DYNC2I2: variants seen among roughly 807,000 people sequenced by gnomAD.
DYNC2I2 encodes the protein cytoplasmic dynein 2 intermediate chain 2.
DYNC2I2 carries 39 observed loss-of-function variants against 52.0 expected under a neutral mutation model. That is an observed-to-expected ratio of 0.75 (90% CI 0.58 to 0.98). The LOEUF (loss-of-function observed/expected upper bound fraction) is 0.98. DYNC2I2 is among the 50% of genes least tolerant of loss of function. The pLI, the probability that DYNC2I2 is intolerant of heterozygous loss-of-function variation, is 0.00. For synonymous variants in DYNC2I2, 359 were observed against 321.1 expected, an observed-to-expected ratio of 1.12 and a Z score of -1.26; for missense variants, 743 against 728.4, an observed-to-expected ratio of 1.02 and a Z score of -0.23.
the DYNC2I2 span, among the ~76,000 whole-genome samples, chr9:128,680,447 G>C: frequency 6.6e-6 from 1 of 151,708 alleles, no homozygotes; most frequent in Non-Finnish European, 1.5e-5. Flanking sequence ...GCGCGATCTC[G>C]GCTCACTGAA....
intron 1 of DYNC2I2, among the ~76,000 whole-genome samples, chr9:128,653,338 A>C (rs1860754411): frequency 6.6e-6 from 1 of 151,130 alleles, no homozygotes; most frequent in East Asian, 1.9e-4. Flanking sequence ...CAGGAGTTTG[A>C]GACCAGCCTG....
Position 128,636,293 on chromosome 9 carries a change from A to C in DYNC2I2, c.691T>G (p.Ser231Ala). 1 of 1,573,896 alleles carries C rather than the reference A, an allele frequency of 6.4e-7. No individual in the cohort carries two copies. The highest frequency in any genetic ancestry group is 1.3e-5 in the African/African-American group (1 of 74,216). Residue 231 changes from serine to alanine, a missense_variant, in exon 4 of 9, where the codon TCC becomes GCC. Transcript: ENST00000372715. ...LCLAFHPTQP[S>A]HVAGGLYSGE... Reference sequence around the variant, plus strand: ...GCAGGCAGCTCACCTGCGACGTGGGAGGGCTGCGTGGGGTGGAAGGCCAGA... The same window carrying C: ...GCAGGCAGCTCACCTGCGACGTGGGCGGGCTGCGTGGGGTGGAAGGCCAGA...
the DYNC2I2 span, among the ~76,000 whole-genome samples, chr9:128,666,343 C>T: frequency 1.4e-5 from 2 of 146,632 alleles, no homozygotes; most frequent in South Asian, 4.3e-4. Context: ...GATCGTGCCA[C>T]TGCTCTCCAG....
chr9:128,674,617 C>G, the DYNC2I2 span, among the ~76,000 whole-genome samples: 1 of 152,122 alleles, frequency 6.6e-6, no homozygotes, highest in Non-Finnish European at 1.5e-5. Context: ...GTGGCACGCA[C>G]CTGTAATCTC....
intron 2 of DYNC2I2, 121 bp downstream of exon 2, chr9:128,640,570 G>A: frequency 6.8e-7 from 1 of 1,461,316 alleles, no homozygotes; most frequent in Non-Finnish European, 9.2e-7. Flanking sequence ...CAGGACATTA[G>A]AGCCTGGTGA....
Position 128,640,758 on chromosome 9 carries a change from A to G in DYNC2I2, c.368T>C (p.Leu123Pro), listed in dbSNP as rs1589431869. 9 of 1,614,098 alleles carry G rather than the reference A, an allele frequency of 5.6e-6. No individual in the cohort carries two copies. The highest frequency in any genetic ancestry group is 7.6e-6 in the Non-Finnish European group (9 of 1,180,008). ...RRVEAMVIRE[L>P]NKNWQSHAFD... ...CGCGTGGCTCTGCCAATTCTTGTTCAGCTCTCGGATGACCATGGCCTCCAC... is the reference window on the plus strand; with the variant it reads ...CGCGTGGCTCTGCCAATTCTTGTTCGGCTCTCGGATGACCATGGCCTCCAC... Residue 123 changes from leucine (L) to proline (P), a missense_variant, in exon 2 of 9, where the codon CTG becomes CCG. Physicochemically the swap from Leu to Pro is moderately conservative, Grantham distance 98. Transcript: ENST00000372715.
chr9:128,636,212 C>T, intron 4 of DYNC2I2, 69 bp downstream of exon 4: 1 of 1,548,334 alleles, frequency 6.5e-7, no homozygotes, highest in Non-Finnish European at 8.7e-7. Flanking sequence ...GGAAAGCTCC[C>T]TTGTGCCCTC....
the DYNC2I2 span, among the ~76,000 whole-genome samples, chr9:128,679,407 G>A: frequency 6.6e-6 from 1 of 152,078 alleles, no homozygotes; most frequent in Non-Finnish European, 1.5e-5. Context: ...AGAAAGCTCA[G>A]CTTTTTATCA....
chr9:128,683,814 C>T, the DYNC2I2 span: 1 of 1,223,356 alleles, frequency 8.2e-7, no homozygotes, highest in East Asian at 2.6e-5. Context: ...AAGCCGCTGG[C>T]ACCTGGGGCA....
the DYNC2I2 span, among the ~76,000 whole-genome samples, chr9:128,682,242 G>A: frequency 6.6e-6 from 1 of 151,852 alleles, no homozygotes; most frequent in African/African-American, 2.4e-5. Context: ...TAGAGGTGGG[G>A]CTTCACCGTG....
chr9:128,674,358 T>C, the DYNC2I2 span, among the ~76,000 whole-genome samples: 1 of 151,920 alleles, frequency 6.6e-6, no homozygotes, highest in Non-Finnish European at 1.5e-5. Flanking sequence ...ATGGTCTCAA[T>C]TTCCTGACCT....
chr9:128,658,721 ATTTTT>A (rs746310535), upstream of DYNC2I2, among the ~76,000 whole-genome samples: 10 of 91,548 alleles, frequency 1.1e-4, no homozygotes, highest in Admixed American at 1.4e-4. Context: ...ACCTGACCTA[ATTTTT>A]TTTTTTTTTT....
intron 2 of DYNC2I2, among the ~76,000 whole-genome samples, chr9:128,638,608 G>A (rs963801745): frequency 1.7e-4 from 26 of 152,038 alleles, no homozygotes; most frequent in East Asian, 1.2e-3. Flanking sequence ...GCCACACCCC[G>A]CGCACTGCTG....
At chr9:128,671,569 T>C in the DYNC2I2 span, among the ~76,000 whole-genome samples, 1 of 149,146 alleles carries the variant, frequency 6.7e-6, no homozygotes, top group Non-Finnish European at 1.5e-5. Context: ...GCCTCCCGGG[T>C]TGAAGTGATT....
At chr9:128,653,090 G>A (rs1330709292) in intron 1 of DYNC2I2, among the ~76,000 whole-genome samples, 2 of 148,678 alleles carry the variant, frequency 1.3e-5, no homozygotes, top group African/African-American at 2.6e-5. Flanking sequence ...TTAGCCCAAT[G>A]TGGTGGCGTG....
rs1296710107 is a variant in DYNC2I2 at position 128,635,511 on chromosome 9, AG to A, written c.813+146del. 9 of 828,008 alleles carry A rather than the reference AG, an allele frequency of 1.1e-5. No homozygotes were observed. The East Asian group carries it at 1.6e-4, about 15-fold the overall frequency. The allele number at this position is 828,008 out of a possible 1,614,324, so 51.3% of individuals were successfully genotyped here. A position where few individuals can be genotyped will look rare whatever the true frequency, so the allele number is the denominator to read the frequency against. On this transcript the variant is annotated intron_variant, in intron 5 of 8. Coordinates refer to ENST00000372715, the MANE Select transcript of DYNC2I2 (RefSeq NM_052844.4). Reference sequence around the variant, plus strand: ...CACAGGGCCCTGGGAGTGGCTCCTGAGGGGGGTGACTCATGCTGCGGGAGCT... The same window carrying A: ...CACAGGGCCCTGGGAGTGGCTCCTGAGGGGGTGACTCATGCTGCGGGAGCT...
intron 1 of DYNC2I2, among the ~76,000 whole-genome samples, chr9:128,646,301 T>C (rs1043146817): frequency 2.0e-5 from 3 of 152,190 alleles, no homozygotes; most frequent in Non-Finnish European, 2.9e-5. Context: ...CTGTGCCTCC[T>C]GGGTTCTAGC....
At chr9:128,651,770 C>T (rs375409221) in intron 1 of DYNC2I2, 5 of 149,526 alleles carry the variant, frequency 3.3e-5, no homozygotes. Context: ...AAACAATTAG[C>T]TGAGTATGGT....
At chr9:128,660,311 C>T (rs988406653), upstream of DYNC2I2, among the ~76,000 whole-genome samples, 2 of 150,796 alleles carry the variant, frequency 1.3e-5, no homozygotes, top group African/African-American at 4.8e-5. Context: ...AAGGTTTCAC[C>T]GTGTTAGCCA....
Sources: allele counts gnomAD v4.1 joint callset (sites outside exome capture counted in the v4.1 genomes callset), GRCh38; gene constraint gnomAD v4.1.1; transcripts MANE v1.5; gene names NCBI Gene and HGNC (gene_info 2026-07-23, HGNC 2026-07-21).